Variants in AANAT observed in about 807,000 individuals in gnomAD.
AANAT encodes the protein serotonin N-acetyltransferase.
In AANAT, 11 loss-of-function variants were observed where a neutral mutation model predicts 15.6. The ratio of observed to expected loss-of-function variants is 0.71; its 90% CI spans 0.44 to 1.17. The LOEUF (loss-of-function observed/expected upper bound fraction) is 1.17, where lower values mean the gene tolerates loss of function less well. Ranked by LOEUF, AANAT falls within the 50% of genes most tolerant of loss-of-function variation. The pLI is 0.00. For synonymous variants in AANAT, 139 were observed against 131.5 expected, an observed-to-expected ratio of 1.06 and a Z score of -0.39; for missense variants, 286 against 296.3, an observed-to-expected ratio of 0.97 and a Z score of 0.26.
At chr17:76,458,506 C>T (rs563820188) in intron 1 of AANAT, among the ~76,000 whole-genome samples, 2 of 152,324 alleles carry the variant, frequency 1.3e-5, no homozygotes, top group East Asian at 1.9e-4. Flanking sequence ...CCCAGCCTTT[C>T]GTGGGGAATA....
chr17:76,463,473 C>T (rs1409751291), upstream of AANAT, among the ~76,000 whole-genome samples: 1 of 151,778 alleles, frequency 6.6e-6, no homozygotes, highest in East Asian at 1.9e-4. Flanking sequence ...ACGCCCAGAT[C>T]ATTTTTGTAT....
intron 2 of AANAT, among the ~76,000 whole-genome samples, chr17:76,460,510 G>A (rs1189487860): frequency 1.3e-5 from 2 of 151,828 alleles, no homozygotes; most frequent in African/African-American, 4.8e-5. Context: ...ATATTGGCCG[G>A]ACTGGTCTTG....
chr17:76,460,130 A>AATTTTT (rs2073373859), intron 2 of AANAT, among the ~76,000 whole-genome samples: 1 of 88,002 alleles, frequency 1.1e-5, no homozygotes, highest in Non-Finnish European at 2.0e-5. Context: ...ACTTCAGGAA[A>AATTTTT]TTTTTTTTTT....
rs2073495403 is a variant in AANAT, at chr17:76,469,659, T to C, written c.319-6T>C. 6.8e-7 allele frequency: 1 copy of C among 1,476,410 alleles called. No individual in the cohort carries two copies. Among genetic ancestry groups the C allele is most frequent in the Non-Finnish European group, 9.0e-7 (1 of 1,115,354 alleles). The allele number at this position is 1,476,410 out of a possible 1,614,324, so 91.5% of individuals were successfully genotyped here. A position where few individuals can be genotyped will look rare whatever the true frequency, so the allele number is the denominator to read the frequency against. On this transcript the variant is annotated splice_polypyrimidine_tract_variant and splice_region_variant and intron_variant, in intron 3 of 3. Transcript: ENST00000392492. This position sits in a 1 kb window ranked among gnomAD's most constrained non-coding sequence, Gnocchi z 5.2. ...ACCTGGGATCTCATCCCTTGCTCGCTCCCAGGAGTCACTGACGCTGCACAG... is the reference window on the plus strand; with the variant it reads ...ACCTGGGATCTCATCCCTTGCTCGCCCCCAGGAGTCACTGACGCTGCACAG...
chr17:76,462,686 G>A (rs1322432143), upstream of AANAT, among the ~76,000 whole-genome samples: 1 of 152,196 alleles, frequency 6.6e-6, no homozygotes, highest in African/African-American at 2.4e-5. Flanking sequence ...CCACGTGGTA[G>A]TACTCAGGCT....
chr17:76,462,281 G>T (rs1297792328), intron 2 of AANAT: 1 of 152,214 alleles, frequency 6.6e-6, no homozygotes, highest in African/African-American at 2.4e-5. Flanking sequence ...GATAAGGAAC[G>T]TGTGTTGGTA....
intron 1 of AANAT, among the ~76,000 whole-genome samples, chr17:76,457,072 T>A (rs2073349075): frequency 6.6e-6 from 1 of 152,202 alleles, no homozygotes; most frequent in African/African-American, 2.4e-5. Flanking sequence ...TGGCAGGGTC[T>A]CACTCTGTCG....
chr17:76,469,393 G>A lies in AANAT; in HGVS notation c.318+66G>A, dbSNP rs116395846. 2.2e-3 allele frequency: 3,521 copies of A among 1,593,442 alleles called. 24 individuals carry two copies. In the African/African-American group the frequency reaches 0.027, roughly 12 times the overall value. On this transcript the variant is annotated intron_variant, in intron 3 of 3. Coordinates refer to ENST00000392492, the MANE Select transcript of AANAT (RefSeq NM_001088.3). This position sits in a 1 kb window ranked among gnomAD's most constrained non-coding sequence, Gnocchi z 5.2. ...TGAAGACAGAGGTCAGCCAGATGGCGGGGAGGGGAGCCCAGGGGCTGGGAT... is the reference window on the plus strand; with the variant it reads ...TGAAGACAGAGGTCAGCCAGATGGCAGGGAGGGGAGCCCAGGGGCTGGGAT...
chr17:76,467,279 AC>A (rs1248320628), upstream of AANAT, among the ~76,000 whole-genome samples: 12 of 151,776 alleles, frequency 7.9e-5, no homozygotes, highest in Non-Finnish European at 1.8e-4. Context: ...TTGAATTCCC[AC>A]CCCCTCCCCC....
At chr17:76,467,581 A>C, upstream of AANAT, 4 of 985,396 alleles carry the variant, frequency 4.1e-6, no homozygotes, top group Non-Finnish European at 4.8e-6. Flanking sequence ...CAAACCTCTA[A>C]CAGCACCACA....
chr17:76,468,259 C>T (rs1291247255), intron 1 of AANAT, among the ~76,000 whole-genome samples: 1 of 152,182 alleles, frequency 6.6e-6, no homozygotes, highest in Non-Finnish European at 1.5e-5. Flanking sequence ...GGGCGCCCAC[C>T]CACTGCACAG....
chr17:76,465,829 A>G, upstream of AANAT: 1 of 300,742 alleles, frequency 3.3e-6, no homozygotes, highest in Non-Finnish European at 6.5e-6. Context: ...CATGTTTAAC[A>G]TACCGCCTCA....
Position 76,470,095 on chromosome 17 carries a change from T to C in AANAT, c.*125T>C. ...AGAGCAGGGCTAAATAAAGAGGAGA[T>C]AAGGTGGCTTCTCACGGCCTGAGCT... On this transcript the variant is annotated 3_prime_UTR_variant, in exon 4 of 4. Transcript: ENST00000392492. 1 of 1,103,328 alleles carries C rather than the reference T, an allele frequency of 9.1e-7. No individual in the cohort carries two copies. The highest frequency in any genetic ancestry group is 1.2e-6 in the Non-Finnish European group (1 of 816,984). The allele number at this position is 1,103,328 out of a possible 1,614,324, so 68.3% of individuals were successfully genotyped here.
upstream of AANAT, chr17:76,466,178 G>A: frequency 6.5e-7 from 1 of 1,537,054 alleles, no homozygotes; most frequent in Non-Finnish European, 8.7e-7. Flanking sequence ...GTGCCATGGA[G>A]CCACAGTCTA....
At chr17:76,454,542 T>C (rs8076732) in intron 1 of AANAT, among the ~76,000 whole-genome samples, 146,637 of 152,108 alleles carry the variant, frequency 0.96, 70,955 homozygotes, top group Middle Eastern at 1. Context: ...GGGCCAGGCG[T>C]GGTGGCTCAT....
At chr17:76,460,459 T>C (rs2073378161) in intron 2 of AANAT, among the ~76,000 whole-genome samples, 1 of 152,004 alleles carries the variant, frequency 6.6e-6, no homozygotes, top group Non-Finnish European at 1.5e-5. Context: ...GCCTGTTTTT[T>C]ATTTTTTTAT....
Position 76,467,722 on chromosome 17 carries a change from G to C in AANAT, c.-81G>C. On this transcript the variant is annotated 5_prime_UTR_variant, in exon 1 of 4. Transcript: ENST00000392492. The stretch of plus-strand genomic sequence containing the variant: ...GGGAACACTGGGTATCCTCTCCACA[G>C]TCCAGGTAGGTGGGACCCCCACTCC... The C allele has an allele frequency of 1.0e-6, 1 of 985,490 alleles. No individual in the cohort carries two copies. Among genetic ancestry groups the C allele is most frequent in the Admixed American group, 6.1e-5 (1 of 16,298 alleles). The allele number at this position is 985,490 out of a possible 1,614,324, so 61.0% of individuals were successfully genotyped here. A position where few individuals can be genotyped will look rare whatever the true frequency, so the allele number is the denominator to read the frequency against.
upstream of AANAT, among the ~76,000 whole-genome samples, chr17:76,464,269 G>A (rs1023914509): frequency 1.3e-5 from 2 of 151,952 alleles, no homozygotes; most frequent in Non-Finnish European, 2.9e-5. Flanking sequence ...TTGAACCTGG[G>A]AGGCGGAGGT....
upstream of AANAT, among the ~76,000 whole-genome samples, chr17:76,463,464 C>G (rs530234361): frequency 1.2e-4 from 19 of 152,048 alleles, no homozygotes; most frequent in South Asian, 4.0e-3. Flanking sequence ...CCCACCACCA[C>G]GCCCAGATCA....
Sources: allele counts gnomAD v4.1 joint callset (sites outside exome capture counted in the v4.1 genomes callset), GRCh38; gene constraint gnomAD v4.1.1; non-coding constraint Gnocchi (gnomAD v3.1); transcripts MANE v1.5; gene names NCBI Gene and HGNC (gene_info 2026-07-23, HGNC 2026-07-21).